Variants in NAALADL2 observed in about 807,000 individuals in gnomAD.
The protein encoded by NAALADL2 is N-acetylated alpha-linked acidic dipeptidase like 2.
Under a neutral mutation model 87.2 loss-of-function variants are expected in NAALADL2, and 76 were observed. That is an observed-to-expected ratio of 0.87 (90% CI 0.72 to 1.05). NAALADL2 has a LOEUF of 1.05. Among genes scored for constraint, NAALADL2 ranks in the 50% least tolerant of loss-of-function variants. NAALADL2 has a pLI of 0.00. For synonymous variants in NAALADL2, 354 were observed against 331.0 expected (o/e 1.07, Z -0.75); for missense variants, 1,089 against 945.8 (o/e 1.15, Z -1.99).
At chr3:175,063,457 T>C (rs78446448) in intron 1 of NAALADL2, among the ~76,000 whole-genome samples, 3 of 151,512 alleles carry the variant, frequency 2.0e-5, no homozygotes, top group Non-Finnish European at 4.4e-5. Flanking sequence ...GAGTAAAATA[T>C]ATATAAACAG....
intron 1 of NAALADL2, among the ~76,000 whole-genome samples, chr3:175,085,620 T>C (rs552536504): frequency 6.6e-6 from 1 of 152,022 alleles, no homozygotes; most frequent in African/African-American, 2.4e-5. Context: ...TCCTAAGACA[T>C]GTGGTTAAGA....
intron 2 of NAALADL2, among the ~76,000 whole-genome samples, chr3:175,140,412 A>G (rs1729824220): frequency 6.6e-6 from 1 of 152,134 alleles, no homozygotes; most frequent in African/African-American, 2.4e-5. Flanking sequence ...GCAACACACC[A>G]TAGTGTGCTA....
chr3:175,575,832 G>A (rs1582467424), intron 9 of NAALADL2, among the ~76,000 whole-genome samples: 1 of 152,096 alleles, frequency 6.6e-6, no homozygotes, highest in South Asian at 2.1e-4. Context: ...TTCAGTGAGC[G>A]TCAGAATCAA....
chr3:175,295,322 T>G (rs532507049), intron 4 of NAALADL2, among the ~76,000 whole-genome samples: 11 of 152,258 alleles, frequency 7.2e-5, no homozygotes, highest in African/African-American at 2.6e-4. Flanking sequence ...CTGGACAGAC[T>G]CATTTAGACA....
chr3:175,316,308 C>T (rs1007919612), intron 4 of NAALADL2, among the ~76,000 whole-genome samples: 1 of 152,052 alleles, frequency 6.6e-6, no homozygotes, highest in African/African-American at 2.4e-5. Flanking sequence ...CACGGTATTC[C>T]CTCTTTTGCC....
intron 2 of NAALADL2, among the ~76,000 whole-genome samples, chr3:175,150,442 A>T (rs1169394680): frequency 6.6e-6 from 1 of 152,180 alleles, no homozygotes; most frequent in Non-Finnish European, 1.5e-5. Context: ...GATTATTATT[A>T]AAAAAGATAT....
At chr3:174,699,767 A>G (rs765830961) in intron 2 of NAALADL2, among the ~76,000 whole-genome samples, 1 of 150,638 alleles carries the variant, frequency 6.6e-6, no homozygotes, top group Non-Finnish European at 1.5e-5. Flanking sequence ...GGTGTTTCTA[A>G]GCATTATATA....
chr3:175,439,770 T>C (rs1025209012), intron 5 of NAALADL2, among the ~76,000 whole-genome samples: 2 of 150,902 alleles, frequency 1.3e-5, no homozygotes, highest in Admixed American at 6.6e-5. Flanking sequence ...GAGTTCCTTG[T>C]AGATTCTGGA....
chr3:174,998,698 T>C (rs940196209), intron 1 of NAALADL2, among the ~76,000 whole-genome samples: 1 of 152,186 alleles, frequency 6.6e-6, no homozygotes, highest in Non-Finnish European at 1.5e-5. Context: ...AAGTGAGCCA[T>C]TGTTTCAGCA....
At position 175,546,499 on chromosome 3, in the gene NAALADL2, G is replaced by A. The variant is rs147063308; in HGVS notation, c.1654-29542G>A. Among the ~76,000 whole-genome samples the A allele has an allele frequency of 3.4e-4, 52 of 152,192 alleles. No homozygotes were observed. In the East Asian group the frequency reaches 6.2e-3, roughly 18 times the overall value. ...TGATGTCATTGGTCTGTGTACTTCCGTGTGTTTTTGTAGTTTATGGTAACG... is the reference window on the plus strand; with the variant it reads ...TGATGTCATTGGTCTGTGTACTTCCATGTGTTTTTGTAGTTTATGGTAACG... On this transcript the variant is annotated intron_variant, in intron 9 of 13. Coordinates refer to ENST00000454872, the MANE Select transcript of NAALADL2 (RefSeq NM_207015.3).
intron 9 of NAALADL2, among the ~76,000 whole-genome samples, chr3:175,571,611 A>C (rs1157905791): frequency 6.6e-6 from 1 of 152,188 alleles, no homozygotes; most frequent in African/African-American, 2.4e-5. Context: ...AATCCACTGA[A>C]GTGCTGTGAG....
At chr3:175,054,124 A>G (rs147024082) in intron 1 of NAALADL2, among the ~76,000 whole-genome samples, 171 of 152,364 alleles carry the variant, frequency 1.1e-3, no homozygotes, top group African/African-American at 3.9e-3. Context: ...ATTCATAGGC[A>G]TATTAAAAGC....
At chr3:175,287,382 A>G (rs1755114670) in intron 4 of NAALADL2, among the ~76,000 whole-genome samples, 1 of 152,186 alleles carries the variant, frequency 6.6e-6, no homozygotes, top group African/African-American at 2.4e-5. Context: ...CTACCCCCAA[A>G]CAATGAAAAT....
intron 2 of NAALADL2, among the ~76,000 whole-genome samples, chr3:174,591,061 AC>A (rs1350051542): frequency 6.6e-6 from 1 of 152,054 alleles, no homozygotes; most frequent in Non-Finnish European, 1.5e-5. Context: ...TCAAGAGGGG[AC>A]CCCCTGATTC....
intron 2 of NAALADL2, among the ~76,000 whole-genome samples, chr3:175,199,737 C>T (rs1488225051): frequency 7.8e-6 from 1 of 128,736 alleles, no homozygotes; most frequent in Non-Finnish European, 1.7e-5. Flanking sequence ...TGTGTTTCTC[C>T]TTGTGTGTCC....
At chr3:174,836,707 T>TCAAAAAAAAAAAAAAAAAA (rs1723374012) in intron 3 of NAALADL2, among the ~76,000 whole-genome samples, 1 of 19,912 alleles carries the variant, frequency 5.0e-5, no homozygotes, top group Non-Finnish European at 9.5e-5. Context: ...AGACTCCGTC[T>TCAAAAAAAAAAAAAAAAAA]CAAAAAAAAA....
chr3:175,621,550 T>C (rs1388636481), intron 10 of NAALADL2, among the ~76,000 whole-genome samples: 1 of 152,220 alleles, frequency 6.6e-6, no homozygotes, highest in Non-Finnish European at 1.5e-5. Flanking sequence ...AAATTCTCCA[T>C]GCGGAAATAC....
intron 2 of NAALADL2, among the ~76,000 whole-genome samples, chr3:175,179,266 A>G (rs12630916): frequency 0.73 from 110,335 of 151,774 alleles, 40,655 homozygotes; most frequent in Non-Finnish European, 0.8. Context: ...CCAACAGCTA[A>G]CTCAGTGCCA....
Position 175,539,296 on chromosome 3 carries a change from T to G in NAALADL2, c.1654-36745T>G, listed in dbSNP as rs1484716815. On this transcript the variant is annotated intron_variant, in intron 9 of 13. Transcript: ENST00000454872. ...ATTGGTTAGATTTCTACAGTAAAGT[T>G]GAACACCACCTTGACAAAATCCTTT... 2.6e-5 allele frequency among the ~76,000 whole-genome samples: 4 copies of G among 152,170 alleles called. No homozygotes were observed. In the South Asian group the frequency reaches 8.3e-4, roughly 31 times the overall value.
Sources: allele counts gnomAD v4.1 joint callset (sites outside exome capture counted in the v4.1 genomes callset), GRCh38; gene constraint gnomAD v4.1.1; transcripts MANE v1.5; gene names NCBI Gene and HGNC (gene_info 2026-07-23, HGNC 2026-07-21).